PDZRN3: variants seen among roughly 807,000 people sequenced by gnomAD.
PDZRN3 encodes E3 ubiquitin-protein ligase PDZRN3.
A neutral mutation model predicts 85.7 loss-of-function variants in PDZRN3; 38 were observed. The ratio of observed to expected loss-of-function variants is 0.44; its 90% confidence interval spans 0.34 to 0.58. PDZRN3 has a LOEUF of 0.58. PDZRN3 is among the 20% of genes least tolerant of loss of function. The pLI is 0.01. For missense variants in PDZRN3, 1,629 were observed against 1,506.4 expected, an observed-to-expected ratio of 1.08 and a Z score of -1.35; for synonymous variants, 759 against 638.0, an observed-to-expected ratio of 1.19 and a Z score of -2.86.
At chr3:73,556,204 A>T (rs1026455435) in intron 3 of PDZRN3, among the ~76,000 whole-genome samples, 1 of 152,230 alleles carries the variant, frequency 6.6e-6, no homozygotes, top group Non-Finnish European at 1.5e-5. Flanking sequence ...TAATAATCAT[A>T]ATCTATGAAA....
intron 3 of PDZRN3, among the ~76,000 whole-genome samples, chr3:73,483,942 A>G (rs1033205573): frequency 1.3e-5 from 2 of 152,206 alleles, no homozygotes; most frequent in African/African-American, 2.4e-5. Context: ...AGGAAAATAT[A>G]TATCAAATCA....
chr3:73,388,017 C>T lies in PDZRN3; in HGVS notation c.1469G>A (p.Ser490Asn), dbSNP rs145958160. Reference sequence around the variant, plus strand: ...CAATGAAAAGTTTTTATTTTCTTCACTGGTTAGAAGAGCCACAGCCTCTTC... The same window carrying T: ...CAATGAAAAGTTTTTATTTTCTTCATTGGTTAGAAGAGCCACAGCCTCTTC... ...NREEAVALLT[S>N]EENKNFSLLI... The change falls in exon 8 of 10, where the codon AGT (serine) becomes AAT (asparagine). Residue 490 changes from serine to asparagine, a missense_variant. Coordinates refer to ENST00000263666, the MANE Select transcript of PDZRN3 (RefSeq NM_015009.3). 4.6e-6 allele frequency: 7 copies of T among 1,532,158 alleles called. No individual in the cohort carries two copies. The African/African-American group carries it at 6.9e-5, about 15-fold the overall frequency. 94.9% of individuals were successfully genotyped at this position (1,532,158 alleles called of 1,614,324 possible).
At chr3:73,416,757 C>T (rs1323411241) in intron 3 of PDZRN3, among the ~76,000 whole-genome samples, 1 of 151,968 alleles carries the variant, frequency 6.6e-6, no homozygotes, top group Admixed American at 6.6e-5. Context: ...TACCCACTTG[C>T]TCTTAAAACT....
intron 3 of PDZRN3, among the ~76,000 whole-genome samples, chr3:73,466,742 T>G (rs1703226216): frequency 1.3e-5 from 2 of 152,214 alleles, no homozygotes; most frequent in Non-Finnish European, 2.9e-5. Flanking sequence ...TTCTTTATTA[T>G]AATATAAATC....
At chr3:73,422,582 C>T (rs1702226279) in intron 3 of PDZRN3, among the ~76,000 whole-genome samples, 1 of 152,178 alleles carries the variant, frequency 6.6e-6, no homozygotes, top group African/African-American at 2.4e-5. Context: ...TGTGTCCTCC[C>T]TCCCCTGGCT....
intron 3 of PDZRN3, among the ~76,000 whole-genome samples, chr3:73,558,291 A>C (rs1321587740): frequency 6.6e-6 from 1 of 152,170 alleles, no homozygotes; most frequent in Non-Finnish European, 1.5e-5. Context: ...CAAAGTACTA[A>C]ATATGAATCT....
intron 3 of PDZRN3, among the ~76,000 whole-genome samples, chr3:73,473,209 G>A (rs528777413): frequency 6.6e-6 from 1 of 152,274 alleles, no homozygotes; most frequent in Admixed American, 6.5e-5. Context: ...TCAAACTGTA[G>A]TTATAGTTCT....
At chr3:73,543,902 A>G (rs1226072804) in intron 3 of PDZRN3, among the ~76,000 whole-genome samples, 1 of 152,250 alleles carries the variant, frequency 6.6e-6, no homozygotes, top group African/African-American at 2.4e-5. Flanking sequence ...CAAAAAGTTT[A>G]AAAAATAAAA....
chr3:73,611,995 C>T (rs985825369), intron 1 of PDZRN3, among the ~76,000 whole-genome samples: 1 of 152,166 alleles, frequency 6.6e-6, no homozygotes, highest in African/African-American at 2.4e-5. Flanking sequence ...GCTTTCCCGA[C>T]TGTTCACAGA....
intron 1 of PDZRN3, among the ~76,000 whole-genome samples, 169 bp from the exon 2 acceptor site, chr3:73,608,853 G>A (rs1702642836): frequency 6.6e-6 from 1 of 152,108 alleles, no homozygotes; most frequent in Admixed American, 6.5e-5. Flanking sequence ...CTGAAATTCT[G>A]TCTTGTGTTT....
intron 3 of PDZRN3, among the ~76,000 whole-genome samples, chr3:73,407,236 T>C (rs1054606707): frequency 1.3e-5 from 2 of 152,212 alleles, no homozygotes; most frequent in African/African-American, 4.8e-5. Flanking sequence ...GGGCCATTTT[T>C]TGCCTCTAGA....
rs549706395 is a variant in PDZRN3 at position 73,389,146 on chromosome 3, G to C, written c.1416+670C>G. Among the ~76,000 whole-genome samples the C allele has an allele frequency of 2.6e-5, 4 of 152,078 alleles. No homozygotes were observed. In the East Asian group the frequency reaches 7.8e-4, roughly 30 times the overall value. On this transcript the variant is annotated intron_variant, in intron 7 of 9. Coordinates refer to ENST00000263666, the MANE Select transcript of PDZRN3 (RefSeq NM_015009.3). ...GAAAAACACAGTGGATTAAGAATGAGAGGATACGGATGAGAAGAGGTAGAA... is the reference window on the plus strand; with the variant it reads ...GAAAAACACAGTGGATTAAGAATGACAGGATACGGATGAGAAGAGGTAGAA...
chr3:73,392,923 T>G, intron 5 of PDZRN3, among the ~76,000 whole-genome samples: 1 of 152,116 alleles, frequency 6.6e-6, no homozygotes, highest in Admixed American at 6.5e-5. Flanking sequence ...ATACTAGTCA[T>G]ACATCATCCT....
chr3:73,586,332 TC>T (rs1702276598), intron 3 of PDZRN3, among the ~76,000 whole-genome samples: 1 of 152,184 alleles, frequency 6.6e-6, no homozygotes, highest in Non-Finnish European at 1.5e-5. Context: ...GTATCAAATG[TC>T]CCCAAGGCCT....
chr3:73,510,930 C>T (rs1704152326), intron 3 of PDZRN3, among the ~76,000 whole-genome samples: 1 of 152,144 alleles, frequency 6.6e-6, no homozygotes, highest in African/African-American at 2.4e-5. Context: ...TATTTTCAGA[C>T]CATGGTTGAC....
rs115620299 is a variant in PDZRN3 at position 73,468,354 on chromosome 3, C to T, written c.919-63959G>A. On this transcript the variant is annotated intron_variant, in intron 3 of 9. Coordinates refer to ENST00000263666, the MANE Select transcript of PDZRN3 (RefSeq NM_015009.3). ...ACACCTTGATTATAGTTTGGTTACACATTTTGATTCTGGCTTCCAGGGCTT... is the reference window on the plus strand; with the variant it reads ...ACACCTTGATTATAGTTTGGTTACATATTTTGATTCTGGCTTCCAGGGCTT... Among the ~76,000 whole-genome samples, 1,199 of 152,292 alleles carry T rather than the reference C, an allele frequency of 7.9e-3. 9 individuals carry two copies. Among genetic ancestry groups the T allele is most frequent in the African/African-American group, 0.025 (1,030 of 41,574 alleles).
rs572825134 is a variant in PDZRN3 at position 73,474,776 on chromosome 3, A to T, written c.919-70381T>A. On this transcript the variant is annotated intron_variant, in intron 3 of 9. Transcript: ENST00000263666. ...AAGGGGGGAAAATGGGCCATAAGGTATTAAGAAAGGAGCAAGCTGTGAAAT... is the reference window on the plus strand; with the variant it reads ...AAGGGGGGAAAATGGGCCATAAGGTTTTAAGAAAGGAGCAAGCTGTGAAAT... The T allele has an allele frequency of 6.6e-5, 21 of 317,682 alleles. No individual in the cohort carries two copies. The East Asian group carries it at 1.7e-3, about 26-fold the overall frequency. 19.7% of individuals were successfully genotyped at this position (317,682 alleles called of 1,614,324 possible).
intron 3 of PDZRN3, among the ~76,000 whole-genome samples, chr3:73,489,829 C>A (rs1008054079): frequency 3.3e-5 from 5 of 152,032 alleles, no homozygotes; most frequent in African/African-American, 1.2e-4. Flanking sequence ...GCCTCAGCCT[C>A]CCAAAGTGCT....
chr3:73,418,310 A>ATGTT (rs1227728583), intron 3 of PDZRN3, among the ~76,000 whole-genome samples: 1 of 152,196 alleles, frequency 6.6e-6, no homozygotes, highest in African/African-American at 2.4e-5. Context: ...AGAAATAAAC[A>ATGTT]TGTTTGTGGA....
Sources: allele counts gnomAD v4.1 joint callset (sites outside exome capture counted in the v4.1 genomes callset), GRCh38; gene constraint gnomAD v4.1.1; transcripts MANE v1.5; gene names NCBI Gene and HGNC (gene_info 2026-07-23, HGNC 2026-07-21).